Variants in A2M observed in about 807,000 individuals in gnomAD.
The protein encoded by A2M is alpha-2-macroglobulin.
A neutral mutation model predicts 183.9 loss-of-function variants in A2M; 128 were observed. The observed-to-expected ratio is 0.70, with a 90% CI of 0.60 to 0.81. A2M has a LOEUF of 0.81. Ranked by LOEUF, A2M falls within the 30% of genes least tolerant of loss-of-function variation. A2M has a pLI of 0.00. For synonymous variants in A2M, 592 were observed against 670.8 expected, an observed-to-expected ratio of 0.88 and a Z score of 1.81; for missense variants, 1,495 against 1,787.6, an observed-to-expected ratio of 0.84 and a Z score of 2.95.
chr12:9,083,939 GAAACATATCACATAC>G, intron 22 of A2M, among the ~76,000 whole-genome samples: 1 of 152,164 alleles, frequency 6.6e-6, no homozygotes, highest in South Asian at 2.1e-4. Flanking sequence ...AGGTGATAAA[GAAACATATCACATAC>G]AAAGGAATTC....
intron 7 of A2M, among the ~76,000 whole-genome samples, chr12:9,108,315 A>T (rs1200956710): frequency 2.0e-5 from 3 of 151,856 alleles, no homozygotes; most frequent in Admixed American, 6.6e-5. Context: ...TTTAGTAGAG[A>T]CGGGGTTTCA....
chr12:9,111,557 A>G, intron 4 of A2M: 1 of 456,504 alleles, frequency 2.2e-6, no homozygotes, highest in Non-Finnish European at 4.4e-6. Context: ...AGTGAAGTGG[A>G]TGTGGGTATG....
chr12:9,074,836 C>G, intron 28 of A2M, 53 bp from the exon 29 acceptor site: 1 of 1,532,214 alleles, frequency 6.5e-7, no homozygotes, highest in East Asian at 2.4e-5. Flanking sequence ...ATATTTAATT[C>G]AAGGTGAAAG....
In A2M at chr12:9,095,064, G is replaced by T; in HGVS notation, c.2034C>A (p.Phe678Leu). ...SFLEDMGLKA[F>L]TNSKIRKPKM... ...TGGGTTTACGAATCTTTGAGTTGGT[G>T]AATGCCTTTAAGCCCATGTCCTGCA... Residue 678 changes from phenylalanine (F) to leucine (L), a missense_variant, in exon 17 of 36, where the codon TTC becomes TTA. Transcript: ENST00000318602. 6.3e-7 allele frequency: 1 copy of T among 1,590,250 alleles called. No individual in the cohort carries two copies. The highest frequency in any genetic ancestry group is 1.7e-5 in the Admixed American group (1 of 58,658).
In A2M at chr12:9,072,472, G is replaced by A. The variant is rs1362695051; in HGVS notation, c.3990C>T (p.Tyr1330=). The A allele has an allele frequency of 6.2e-7, 1 of 1,611,782 alleles. No homozygotes were observed. Among genetic ancestry groups the A allele is most frequent in the Non-Finnish European group, 8.5e-7 (1 of 1,179,354 alleles). ...ACTCTTCCTTTTCTGGGAGAATATT[G>A]TATTTCAAGGATGTCTATAGAACAT... ...GCVYLQTSLK[Y]NILPEKEEFP... The change falls in exon 31 of 36, where the codon TAC becomes TAT. Residue 1330 remains tyrosine (Y), a synonymous_variant. Coordinates refer to ENST00000318602, the MANE Select transcript of A2M (RefSeq NM_000014.6).
intron 26 of A2M, 46 bp downstream of exon 26, chr12:9,077,655 C>A: frequency 3.7e-6 from 6 of 1,601,658 alleles, no homozygotes; most frequent in South Asian, 1.1e-5. Context: ...CTCATCCTTG[C>A]AGATATCATA....
At chr12:9,097,640 T>TTTTTTG (rs1949423317) in intron 15 of A2M, among the ~76,000 whole-genome samples, 1 of 150,766 alleles carries the variant, frequency 6.6e-6, no homozygotes, top group Non-Finnish European at 1.5e-5. Flanking sequence ...TTCTTTTTTT[T>TTTTTTG]TTTTTTTTTT....
At chr12:9,090,630 T>A in intron 19 of A2M, 148 bp from the exon 20 acceptor site, 1 of 772,972 alleles carries the variant, frequency 1.3e-6, no homozygotes, top group South Asian at 1.9e-5. Flanking sequence ...CTGAAATATA[T>A]TTAAGTGGAT....
chr12:9,069,960 T>A, intron 32 of A2M, 147 bp from the exon 33 acceptor site: 2 of 651,598 alleles, frequency 3.1e-6, no homozygotes, highest in Non-Finnish European at 5.3e-6. Flanking sequence ...GTAATACAAT[T>A]AAAAATGAAA....
intron 10 of A2M, among the ~76,000 whole-genome samples, chr12:9,105,667 T>C (rs1460295986): frequency 1.3e-5 from 2 of 152,186 alleles, no homozygotes; most frequent in East Asian, 1.9e-4. Flanking sequence ...AAATTCATAA[T>C]TCAAAAATCT....
chr12:9,090,341 CA>C lies in A2M; in HGVS notation c.2596+14del, dbSNP rs762053941. On this transcript the variant is annotated intron_variant, in intron 20 of 35. Transcript: ENST00000318602. Reference sequence around the variant, plus strand: ...TCTTTGAGTAGAGAATTATCTCTAGCAGTTTTTTGCTCACCTAATGACTTTG... The same window carrying C: ...TCTTTGAGTAGAGAATTATCTCTAGCGTTTTTTGCTCACCTAATGACTTTG... The C allele has an allele frequency of 5.0e-6, 8 of 1,613,920 alleles. No homozygotes were observed. In the African/African-American group the frequency reaches 9.3e-5, roughly 19 times the overall value.
chr12:9,095,787 C>G (rs1391534401), intron 15 of A2M, 87 bp from the exon 16 acceptor site: 1 of 1,207,504 alleles, frequency 8.3e-7, no homozygotes, highest in Non-Finnish European at 1.1e-6. Flanking sequence ...GAGTCTCGCT[C>G]TGTCGCCCAG....
In A2M at chr12:9,100,855, G is replaced by C. The variant is rs773085112; in HGVS notation, c.1558+289C>G. ...TAGGAAGTGGGAGCTAAGTTATGAG[G>C]ATGCAAAGGCATAAGAATGATACAA... On this transcript the variant is annotated intron_variant, in intron 13 of 35. Coordinates refer to ENST00000318602, the MANE Select transcript of A2M (RefSeq NM_000014.6). Among the ~76,000 whole-genome samples, 5 of 152,252 alleles carry C rather than the reference G, an allele frequency of 3.3e-5. No homozygotes were observed. In the South Asian group the frequency reaches 6.2e-4, roughly 19 times the overall value.
At chr12:9,073,801 T>A (rs1371982473) in intron 29 of A2M, among the ~76,000 whole-genome samples, 6 of 152,034 alleles carry the variant, frequency 3.9e-5, no homozygotes, top group Admixed American at 3.9e-4. Flanking sequence ...AAGAGGTGAA[T>A]AGGGGGCTGG....
chr12:9,089,384 T>C lies in A2M; in HGVS notation c.2719-133A>G, dbSNP rs1032000336. 5.8e-6 allele frequency: 4 copies of C among 689,326 alleles called. No homozygotes were observed. In the African/African-American group the frequency reaches 7.2e-5, roughly 12 times the overall value. The allele number at this position is 689,326 out of a possible 1,614,324, so 42.7% of individuals were successfully genotyped here. A position where few individuals can be genotyped will look rare whatever the true frequency, so the allele number is the denominator to read the frequency against. On this transcript the variant is annotated intron_variant, in intron 21 of 35. Coordinates refer to ENST00000318602, the MANE Select transcript of A2M (RefSeq NM_000014.6). ...GTATTATCTAAGAAAATTCTGTACA[T>C]ATAAGCAATATACGTAGGAGGTAGT...
chr12:9,089,845 T>C, intron 21 of A2M, 57 bp downstream of exon 21: 1 of 1,106,672 alleles, frequency 9.0e-7, no homozygotes, highest in Non-Finnish European at 1.3e-6. Flanking sequence ...TATATTATTA[T>C]ATTACCCACA....
Position 9,089,906 on chromosome 12 carries a change from A to G in A2M, c.2714T>C (p.Val905Ala). The G allele has an allele frequency of 6.2e-7, 1 of 1,609,320 alleles. No individual in the cohort carries two copies. Among genetic ancestry groups the G allele is most frequent in the East Asian group, 2.2e-5 (1 of 44,768 alleles). ...ATATTATTTAGGTTTACTTACTTCAACCAACAGAGGCTTGATGACTGTGTC... is the reference window on the plus strand; with the variant it reads ...ATATTATTTAGGTTTACTTACTTCAGCCAACAGAGGCTTGATGACTGTGTC... ...RKDTVIKPLL[V>A]EPEGLEKETT... Residue 905 changes from valine (V) to alanine (A), a missense_variant, in exon 21 of 36, where the codon GTT becomes GCT. Transcript: ENST00000318602.
At chr12:9,074,286 G>A (rs1948669610) in intron 29 of A2M, among the ~76,000 whole-genome samples, 2 of 152,092 alleles carry the variant, frequency 1.3e-5, no homozygotes, top group South Asian at 2.1e-4. Flanking sequence ...CATTCTGCTG[G>A]TGCTCCACTG....
Position 9,090,027 on chromosome 12 carries a change from A to G in A2M, c.2597-4T>C. The G allele has an allele frequency of 1.9e-6, 3 of 1,572,880 alleles. No individual in the cohort carries two copies. Among genetic ancestry groups the G allele is most frequent in the Non-Finnish European group, 2.6e-6 (3 of 1,152,318 alleles). The stretch of plus-strand genomic sequence containing the variant: ...CTCACAGTGAAATTCACATTTCCTG[A>G]AAAAAAAGGCCAGTAGAAATGAATA... On this transcript the variant is annotated splice_region_variant and splice_polypyrimidine_tract_variant and intron_variant, in intron 20 of 35. Coordinates refer to ENST00000318602, the MANE Select transcript of A2M (RefSeq NM_000014.6).
Sources: allele counts gnomAD v4.1 joint callset (sites outside exome capture counted in the v4.1 genomes callset), GRCh38; gene constraint gnomAD v4.1.1; transcripts MANE v1.5; gene names NCBI Gene and HGNC (gene_info 2026-07-23, HGNC 2026-07-21).